The following PEX5L variants were observed in gnomAD, a reference collection of about 807,000 sequenced individuals.
PEX5L encodes PEX5-related protein.
Under a neutral mutation model 84.0 loss-of-function variants are expected in PEX5L, and 30 were observed. The observed-to-expected ratio is 0.36, with a 90% confidence interval of 0.27 to 0.48. The LOEUF (loss-of-function observed/expected upper bound fraction) is 0.48, where lower values mean the gene tolerates loss of function less well. Among genes scored for constraint, PEX5L ranks in the 20% least tolerant of loss-of-function variants. PEX5L has a pLI of 0.99. For missense variants in PEX5L, 533 were observed against 754.6 expected (o/e 0.71, Z 3.44); for synonymous variants, 270 against 283.1 (o/e 0.95, Z 0.46).
chr3:180,020,636 G>C (rs1790346109), intron 1 of PEX5L, among the ~76,000 whole-genome samples: 1 of 151,998 alleles, frequency 6.6e-6, no homozygotes, highest in African/African-American at 2.4e-5. Context: ...ACAGGCCTGG[G>C]ATCCAAGTGT....
intron 2 of PEX5L, among the ~76,000 whole-genome samples, chr3:179,902,476 C>T (rs1356475100): frequency 6.6e-6 from 1 of 152,250 alleles, no homozygotes; most frequent in Non-Finnish European, 1.5e-5. Flanking sequence ...AATAACTTCA[C>T]TCACAAGCAC....
At chr3:179,852,839 A>T (rs1742422204) in intron 8 of PEX5L, among the ~76,000 whole-genome samples, 2 of 152,228 alleles carry the variant, frequency 1.3e-5, no homozygotes, top group Non-Finnish European at 2.9e-5. Flanking sequence ...TAATAATATT[A>T]GAGTTAAGCA....
intron 1 of PEX5L, among the ~76,000 whole-genome samples, chr3:179,988,000 C>T (rs1443148745): frequency 6.6e-6 from 1 of 152,246 alleles, no homozygotes; most frequent in East Asian, 1.9e-4. Flanking sequence ...TATTCAAAGG[C>T]TTGTACCTTT....
At chr3:180,008,698 G>A (rs1206643633) in intron 1 of PEX5L, among the ~76,000 whole-genome samples, 3 of 152,188 alleles carry the variant, frequency 2.0e-5, no homozygotes, top group Non-Finnish European at 4.4e-5. Flanking sequence ...AAATGAGGAA[G>A]AAGCAAAAGC....
intron 9 of PEX5L, among the ~76,000 whole-genome samples, chr3:179,818,871 G>T (rs1156860690): frequency 2.0e-5 from 3 of 147,990 alleles, no homozygotes; most frequent in Admixed American, 1.4e-4. Flanking sequence ...TTAAGACAGG[G>T]TCTCATTCTG....
chr3:179,824,633 C>A (rs1177761626), intron 8 of PEX5L, among the ~76,000 whole-genome samples: 1 of 141,680 alleles, frequency 7.1e-6, no homozygotes, highest in Non-Finnish European at 1.5e-5. Context: ...TTGAACCCGG[C>A]AGGCGGAGGT....
chr3:179,879,857 G>A, intron 5 of PEX5L, 72 bp downstream of exon 5: 1 of 1,070,468 alleles, frequency 9.3e-7, no homozygotes, highest in Non-Finnish European at 1.3e-6. Context: ...AATGCCATTG[G>A]TGGAAATTTC....
chr3:180,003,467 C>G (rs1247687339), intron 1 of PEX5L, among the ~76,000 whole-genome samples: 1 of 151,782 alleles, frequency 6.6e-6, no homozygotes, highest in Non-Finnish European at 1.5e-5. Context: ...ATTTATTTGA[C>G]CAAATTTGTA....
chr3:179,938,344 A>G (rs1325371945), intron 2 of PEX5L, among the ~76,000 whole-genome samples: 4 of 152,222 alleles, frequency 2.6e-5, no homozygotes, highest in Non-Finnish European at 4.4e-5. Flanking sequence ...TACATAGATG[A>G]GAGGTTAGAA....
At chr3:179,980,765 G>A (rs1031477432) in intron 1 of PEX5L, among the ~76,000 whole-genome samples, 1 of 152,170 alleles carries the variant, frequency 6.6e-6, no homozygotes, top group African/African-American at 2.4e-5. Flanking sequence ...GAGTTGGCCA[G>A]GAGCGGTGGC....
chr3:179,843,656 CATCCA>C (rs1738147729), intron 8 of PEX5L, among the ~76,000 whole-genome samples: 1 of 152,162 alleles, frequency 6.6e-6, no homozygotes, highest in African/African-American at 2.4e-5. Flanking sequence ...TCAATCTCAC[CATCCA>C]GAGATAAATT....
At chr3:179,952,590 G>A (rs1236418461) in intron 2 of PEX5L, among the ~76,000 whole-genome samples, 3 of 152,064 alleles carry the variant, frequency 2.0e-5, no homozygotes, top group African/African-American at 4.8e-5. Flanking sequence ...TACTGCTCAA[G>A]GAAATAAGAG....
Position 179,859,176 on chromosome 3 carries a change from A to G in PEX5L, c.727-19T>C. On this transcript the variant is annotated intron_variant, in intron 7 of 14. Transcript: ENST00000467460. ...GTCGAGCCTGAAATCAATCATACACATAGTGTTATAATATTAGAATCACAT... is the reference window on the plus strand; with the variant it reads ...GTCGAGCCTGAAATCAATCATACACGTAGTGTTATAATATTAGAATCACAT... The G allele has an allele frequency of 6.5e-7, 1 of 1,535,450 alleles. No individual in the cohort carries two copies. The highest frequency in any genetic ancestry group is 9.0e-7 in the Non-Finnish European group (1 of 1,108,624).
chr3:179,928,420 G>A (rs1363131417), intron 2 of PEX5L, among the ~76,000 whole-genome samples: 1 of 152,150 alleles, frequency 6.6e-6, no homozygotes, highest in African/African-American at 2.4e-5. Context: ...AAATGGCTGA[G>A]GGTGGGGACT....
At chr3:179,902,901 C>A (rs1761892408) in intron 2 of PEX5L, among the ~76,000 whole-genome samples, 1 of 152,172 alleles carries the variant, frequency 6.6e-6, no homozygotes, top group South Asian at 2.1e-4. Flanking sequence ...CAATACTAGA[C>A]ATCTCTGCCA....
chr3:179,987,431 T>A (rs1786959246), intron 1 of PEX5L, among the ~76,000 whole-genome samples: 1 of 152,210 alleles, frequency 6.6e-6, no homozygotes, highest in Non-Finnish European at 1.5e-5. Flanking sequence ...ATTGAAGTTT[T>A]GGGGGTGCTG....
In PEX5L at chr3:180,013,082, G is replaced by C. The variant is rs146409710; in HGVS notation, c.21+23497C>G. Among the ~76,000 whole-genome samples the C allele has an allele frequency of 4.2e-3, 646 of 152,236 alleles. 11 individuals carry two copies. Among genetic ancestry groups the C allele is most frequent in the African/African-American group, 0.015 (619 of 41,552 alleles). ...TTCTTTCTGGATTGAATTCATTTTA[G>C]GAAAAGTGATCAGTTTTGCTGTCTT... On this transcript the variant is annotated intron_variant, in intron 1 of 14. Coordinates refer to ENST00000467460, the MANE Select transcript of PEX5L (RefSeq NM_016559.3).
intron 14 of PEX5L, among the ~76,000 whole-genome samples, chr3:179,804,845 G>A (rs1007508261): frequency 2.6e-5 from 4 of 152,120 alleles, no homozygotes; most frequent in Non-Finnish European, 4.4e-5. Context: ...CTCGCCGGGT[G>A]TAGTGGCTCA....
intron 1 of PEX5L, chr3:179,974,084 G>A: frequency 5.1e-6 from 5 of 985,632 alleles, no homozygotes; most frequent in Non-Finnish European, 6.0e-6. Context: ...AGCTCAGCCA[G>A]CCCAGGCAGG....
Sources: allele counts gnomAD v4.1 joint callset (sites outside exome capture counted in the v4.1 genomes callset), GRCh38; gene constraint gnomAD v4.1.1; transcripts MANE v1.5; gene names NCBI Gene and HGNC (gene_info 2026-07-23, HGNC 2026-07-21).